The following PCDH9 variants were observed in gnomAD, a reference collection of about 807,000 sequenced individuals.
The protein encoded by PCDH9 is protocadherin-9.
PCDH9 carries 24 observed loss-of-function variants against 70.6 expected under a neutral mutation model. That is an observed-to-expected ratio of 0.34 (90% CI 0.25 to 0.48). PCDH9 has a LOEUF of 0.48. Among genes scored for constraint, PCDH9 ranks in the 20% least tolerant of loss-of-function variants. The probability of loss-of-function intolerance (pLI) is 0.99; values close to 1 mark genes in which losing one functional copy is unlikely to be tolerated. For missense variants in PCDH9, 1,281 were observed against 1,503.6 expected (o/e 0.85, Z 2.45); for synonymous variants, 562 against 558.5 (o/e 1.01, Z -0.09).
chr13:66,580,337 C>T (rs924620367), intron 4 of PCDH9, among the ~76,000 whole-genome samples: 1 of 151,864 alleles, frequency 6.6e-6, no homozygotes, highest in African/African-American at 2.4e-5. Flanking sequence ...GGCCTAGGAT[C>T]TAGTGTTATA....
At chr13:66,776,983 A>G (rs561209495) in intron 3 of PCDH9, among the ~76,000 whole-genome samples, 1 of 151,616 alleles carries the variant, frequency 6.6e-6, no homozygotes, top group East Asian at 1.9e-4. Context: ...CCGCATATCT[A>G]CAACTATCTG....
intron 4 of PCDH9, among the ~76,000 whole-genome samples, chr13:66,407,528 TG>T (rs1483843639): frequency 6.6e-6 from 1 of 152,210 alleles, no homozygotes. Flanking sequence ...ATGTTGTTGC[TG>T]TAGCTGTAAT....
At chr13:66,531,901 C>CA (rs1283661632) in intron 4 of PCDH9, among the ~76,000 whole-genome samples, 1 of 152,112 alleles carries the variant, frequency 6.6e-6, no homozygotes, top group Non-Finnish European at 1.5e-5. Flanking sequence ...CTCTTGGCTG[C>CA]AATTTTCTCT....
chr13:67,190,603 C>G (rs1161095170), intron 2 of PCDH9, among the ~76,000 whole-genome samples: 1 of 151,828 alleles, frequency 6.6e-6, no homozygotes. Flanking sequence ...GCTGGGTGGT[C>G]AGAATCCAGT....
chr13:66,567,143 G>T (rs925700749), intron 4 of PCDH9, among the ~76,000 whole-genome samples: 1 of 152,120 alleles, frequency 6.6e-6, no homozygotes, highest in Non-Finnish European at 1.5e-5. Flanking sequence ...GTGCCATTCA[G>T]TTTAAGTCAA....
intron 4 of PCDH9, among the ~76,000 whole-genome samples, chr13:66,337,951 T>TA (rs1956064089): frequency 6.6e-6 from 1 of 152,086 alleles, no homozygotes; most frequent in African/African-American, 2.4e-5. Context: ...TGAGGGTGGA[T>TA]AAAGGGAATG....
chr13:66,936,929 T>A (rs1347481688), intron 2 of PCDH9, among the ~76,000 whole-genome samples: 1 of 152,200 alleles, frequency 6.6e-6, no homozygotes, highest in Non-Finnish European at 1.5e-5. Flanking sequence ...TTGATCTAAC[T>A]GTATATAAGC....
intron 3 of PCDH9, among the ~76,000 whole-genome samples, chr13:66,778,764 A>T (rs2079943166): frequency 6.6e-6 from 1 of 152,204 alleles, no homozygotes; most frequent in Admixed American, 6.5e-5. Flanking sequence ...GTCCTGATTC[A>T]TAGAGGTACT....
intron 3 of PCDH9, among the ~76,000 whole-genome samples, chr13:66,704,070 C>T (rs2078681478): frequency 1.3e-5 from 2 of 152,180 alleles, no homozygotes; most frequent in South Asian, 4.1e-4. Context: ...TGCTTTCTTA[C>T]TTTTAGGACA....
At chr13:66,339,864 T>C (rs1216790012) in intron 4 of PCDH9, among the ~76,000 whole-genome samples, 1 of 152,060 alleles carries the variant, frequency 6.6e-6, no homozygotes, top group Non-Finnish European at 1.5e-5. Flanking sequence ...ACTTCTATCA[T>C]ATCAGAAATG....
chr13:66,303,452 G>A lies in PCDH9; in HGVS notation c.*1203C>T, dbSNP rs764384907. 6.6e-6 allele frequency: 1 copy of A among 152,422 alleles called. No homozygotes were observed. Among genetic ancestry groups the A allele is most frequent in the Non-Finnish European group, 1.5e-5 (1 of 67,990 alleles). The allele number at this position is 152,422 out of a possible 1,614,324, so 9.4% of individuals were successfully genotyped here. ...AACTACCCTACCTGGAGAATGTTCT[G>A]TTACATCATGAAGGCACAACACATT... On this transcript the variant is annotated 3_prime_UTR_variant, in exon 5 of 5. Coordinates refer to ENST00000377865, the MANE Select transcript of PCDH9 (RefSeq NM_203487.3).
intron 4 of PCDH9, among the ~76,000 whole-genome samples, chr13:66,556,717 A>G (rs758945338): frequency 3.9e-5 from 6 of 152,200 alleles, no homozygotes; most frequent in Admixed American, 6.5e-5. Context: ...ATAAAATTCT[A>G]AAGTATTATT....
At chr13:67,102,564 C>T (rs1029202166) in intron 2 of PCDH9, among the ~76,000 whole-genome samples, 5 of 151,968 alleles carry the variant, frequency 3.3e-5, no homozygotes, top group Non-Finnish European at 5.9e-5. Flanking sequence ...GCTCAGTTAC[C>T]GTCTTTATTT....
intron 4 of PCDH9, among the ~76,000 whole-genome samples, chr13:66,400,040 C>A (rs1158947074): frequency 6.6e-6 from 1 of 152,122 alleles, no homozygotes; most frequent in Non-Finnish European, 1.5e-5. Flanking sequence ...CATTGTTAAC[C>A]CTCTAACAGC....
chr13:66,877,544 T>G (rs2081839460), intron 3 of PCDH9, among the ~76,000 whole-genome samples: 1 of 152,128 alleles, frequency 6.6e-6, no homozygotes, highest in South Asian at 2.1e-4. Flanking sequence ...AACAGGCGTT[T>G]AGGGGTTTCC....
intron 4 of PCDH9, among the ~76,000 whole-genome samples, chr13:66,569,736 G>C (rs1419254170): frequency 6.6e-6 from 1 of 152,106 alleles, no homozygotes; most frequent in Non-Finnish European, 1.5e-5. Flanking sequence ...TAAGAGATGG[G>C]ATGATTAAGT....
chr13:66,906,786 A>C (rs1041776934), intron 2 of PCDH9, among the ~76,000 whole-genome samples: 6 of 151,882 alleles, frequency 4.0e-5, no homozygotes, highest in Admixed American at 6.6e-5. Context: ...TTTGAGATTA[A>C]CTATTATAAA....
chr13:67,096,258 G>C (rs138893615), intron 2 of PCDH9, among the ~76,000 whole-genome samples: 1 of 152,204 alleles, frequency 6.6e-6, no homozygotes, highest in East Asian at 1.9e-4. Flanking sequence ...TGGTATTGCT[G>C]TCATTATTTT....
At chr13:67,139,387 C>A (rs1226432362) in intron 2 of PCDH9, among the ~76,000 whole-genome samples, 1 of 152,202 alleles carries the variant, frequency 6.6e-6, no homozygotes, top group African/African-American at 2.4e-5. Flanking sequence ...GCAATCAGAG[C>A]AAATTCCCCA....
Sources: gnomAD v4.1 joint callset for allele counts (sites outside exome capture counted in the v4.1 genomes callset) on GRCh38, gnomAD v4.1.1 for gene constraint, MANE v1.5 for transcripts, NCBI Gene and HGNC (gene_info 2026-07-23, HGNC 2026-07-21) for gene names.